Variants in ABI2 observed in about 807,000 individuals in gnomAD.
The protein encoded by ABI2 is abl interactor 2.
ABI2 carries 25 observed loss-of-function variants against 59.2 expected under a neutral mutation model. The observed-to-expected ratio is 0.42, with a 90% CI of 0.31 to 0.59. The LOEUF is 0.59. Ranked by LOEUF, ABI2 falls within the 20% of genes least tolerant of loss-of-function variation. The pLI, the probability that ABI2 is intolerant of heterozygous loss-of-function variation, is 0.14. For missense variants in ABI2, 545 were observed against 681.8 expected (o/e 0.80, Z 2.23); for synonymous variants, 213 against 235.5 (o/e 0.90, Z 0.87).
intron 1 of ABI2, 40 bp downstream of exon 1, chr2:203,328,671 C>CT: frequency 7.2e-7 from 1 of 1,389,156 alleles, no homozygotes; most frequent in Non-Finnish European, 9.6e-7. Context: ...GGGGACCCCC[C>CT]CGCCGGGGGC....
intron 8 of ABI2, among the ~76,000 whole-genome samples, chr2:203,397,220 A>G (rs2153415502): frequency 1.3e-5 from 2 of 152,234 alleles, no homozygotes; most frequent in East Asian, 3.9e-4. Context: ...CATTTATTAG[A>G]GATTTTTAAG....
chr2:203,383,915 T>A (rs1360551595), intron 4 of ABI2, among the ~76,000 whole-genome samples: 1 of 151,968 alleles, frequency 6.6e-6, no homozygotes, highest in Non-Finnish European at 1.5e-5. Context: ...CTGCTCCCAT[T>A]GCTGTCATAC....
At chr2:203,427,084 G>T in intron 11 of ABI2, 93 bp from the exon 12 acceptor site, 1 of 1,130,214 alleles carries the variant, frequency 8.8e-7, no homozygotes, top group East Asian at 2.4e-5. Flanking sequence ...AGTGCTACAG[G>T]ATTTGGGAAC....
chr2:203,414,837 T>G (rs1334756058), intron 10 of ABI2, among the ~76,000 whole-genome samples: 1 of 152,140 alleles, frequency 6.6e-6, no homozygotes, highest in Non-Finnish European at 1.5e-5. Flanking sequence ...TCCACATCTA[T>G]AAAATGAAAA....
At chr2:203,397,903 G>C (rs58478831) in intron 8 of ABI2, among the ~76,000 whole-genome samples, 40,614 of 152,004 alleles carry the variant, frequency 0.27, 6,736 homozygotes, top group South Asian at 0.51. Flanking sequence ...CTCCAAGGGG[G>C]ATGGTGTTAA....
chr2:203,366,389 AT>A (rs1164127881), intron 1 of ABI2, among the ~76,000 whole-genome samples: 2 of 152,116 alleles, frequency 1.3e-5, no homozygotes, highest in Non-Finnish European at 2.9e-5. Context: ...CATATTATTT[AT>A]AATTTTTTTC....
At chr2:203,338,266 G>A (rs559758308) in intron 1 of ABI2, among the ~76,000 whole-genome samples, 1 of 152,244 alleles carries the variant, frequency 6.6e-6, no homozygotes, top group South Asian at 2.1e-4. Flanking sequence ...AGCTAGAAAT[G>A]GATTAAAGAC....
In ABI2 at chr2:203,430,483, T is replaced by C. The variant is rs1175684294; in HGVS notation, c.*3131T>C. 2 of 152,244 alleles carry C rather than the reference T, an allele frequency of 1.3e-5. No individual in the cohort carries two copies. Among genetic ancestry groups the C allele is most frequent in the Non-Finnish European group, 2.9e-5 (2 of 68,044 alleles). The allele number at this position is 152,244 out of a possible 1,614,324, so 9.4% of individuals were successfully genotyped here. A position where few individuals can be genotyped will look rare whatever the true frequency, so the allele number is the denominator to read the frequency against. On this transcript the variant is annotated 3_prime_UTR_variant, in exon 12 of 12. Transcript: ENST00000261018. The stretch of plus-strand genomic sequence containing the variant: ...GTGGTATTAATGAAAGTACACTTTA[T>C]TGTTGCCTTTGAACTTACGGCCAAG...
At chr2:203,403,631 T>G (rs555773197) in intron 9 of ABI2, among the ~76,000 whole-genome samples, 67 of 91,492 alleles carry the variant, frequency 7.3e-4, no homozygotes, top group African/African-American at 2.1e-3. Flanking sequence ...AAAATAAGAT[T>G]GGTGATCATT....
chr2:203,347,892 G>A (rs750406142), intron 1 of ABI2, among the ~76,000 whole-genome samples: 2 of 152,228 alleles, frequency 1.3e-5, no homozygotes, highest in Non-Finnish European at 1.5e-5. Context: ...CAGTTTCGAT[G>A]CTTTCTAGAT....
In ABI2 at chr2:203,431,156, T is replaced by C. The variant is rs1166708634; in HGVS notation, c.*3804T>C. On this transcript the variant is annotated 3_prime_UTR_variant, in exon 12 of 12. Transcript: ENST00000261018. The stretch of plus-strand genomic sequence containing the variant: ...GGTGTTAAGGTGGTAATTTCCCCCA[T>C]ATAAGATTTAGAATCACTGAGTTTG... 6.6e-6 allele frequency: 1 copy of C among 152,400 alleles called. No individual in the cohort carries two copies. The highest frequency in any genetic ancestry group is 1.5e-5 in the Non-Finnish European group (1 of 68,036). 9.4% of individuals were successfully genotyped at this position (152,400 alleles called of 1,614,324 possible).
At chr2:203,359,345 C>T (rs1473754132) in intron 1 of ABI2, among the ~76,000 whole-genome samples, 1 of 152,074 alleles carries the variant, frequency 6.6e-6, no homozygotes, top group East Asian at 1.9e-4. Flanking sequence ...TACATTTTCA[C>T]TTGAGTTCTT....
chr2:203,331,348 C>CATTTTTTTT (rs545473960), intron 1 of ABI2, among the ~76,000 whole-genome samples: 1 of 85,302 alleles, frequency 1.2e-5, no homozygotes, highest in Non-Finnish European at 2.1e-5. Context: ...TCAATTTAGC[C>CATTTTTTTT]TTTTTTTTTT....
chr2:203,356,013 A>C (rs575208271), intron 1 of ABI2, among the ~76,000 whole-genome samples: 2 of 152,014 alleles, frequency 1.3e-5, no homozygotes, highest in Non-Finnish European at 2.9e-5. Flanking sequence ...TTGAAAAGTC[A>C]AGTAGTGTTT....
chr2:203,357,856 C>T (rs1043000282), intron 1 of ABI2, among the ~76,000 whole-genome samples: 6 of 151,972 alleles, frequency 3.9e-5, no homozygotes, highest in African/African-American at 7.3e-5. Flanking sequence ...GCAGCCTCCG[C>T]CTCCTGGCTT....
chr2:203,368,715 TAAAAA>T (rs898214542), intron 2 of ABI2, among the ~76,000 whole-genome samples: 1 of 151,212 alleles, frequency 6.6e-6, no homozygotes, highest in East Asian at 1.9e-4. Context: ...TATCTTAAGT[TAAAAA>T]AAAATTGGTG....
Position 203,427,387 on chromosome 2 carries a change from G to A in ABI2, c.*35G>A. 9 of 1,578,296 alleles carry A rather than the reference G, an allele frequency of 5.7e-6. No homozygotes were observed. The highest frequency in any genetic ancestry group is 2.7e-5 in the African/African-American group (2 of 74,414). ...GGGCTGTGCTTGCCTCACAGGAATA[G>A]TCAGGTCTTCCCAGATTATCTGAAG... is the stretch of plus-strand genomic sequence containing the variant. On this transcript the variant is annotated 3_prime_UTR_variant, in exon 12 of 12. Transcript: ENST00000261018.
intron 11 of ABI2, among the ~76,000 whole-genome samples, chr2:203,417,540 T>A (rs761412640): frequency 6.6e-6 from 1 of 152,212 alleles, no homozygotes; most frequent in African/African-American, 2.4e-5. Flanking sequence ...GTGAAAAGCT[T>A]CTTTGATATT....
intron 9 of ABI2, among the ~76,000 whole-genome samples, chr2:203,410,513 T>C (rs1253325632): frequency 1.3e-5 from 2 of 152,200 alleles, no homozygotes; most frequent in East Asian, 1.9e-4. Flanking sequence ...CTAGGCACTG[T>C]GCCAGGTGAT....
Sources: gnomAD v4.1 joint callset for allele counts (sites outside exome capture counted in the v4.1 genomes callset) on GRCh38, gnomAD v4.1.1 for gene constraint, MANE v1.5 for transcripts, NCBI Gene and HGNC (gene_info 2026-07-23, HGNC 2026-07-21) for gene names.